ERBB4: variants seen among roughly 807,000 people sequenced by gnomAD.
ERBB4 encodes the protein receptor tyrosine-protein kinase erbB-4.
ERBB4 carries 42 observed loss-of-function variants against 158.0 expected under a neutral mutation model. The observed-to-expected ratio is 0.27, with a 90% CI of 0.21 to 0.34. The LOEUF (loss-of-function observed/expected upper bound fraction) is 0.34. ERBB4 is among the 10% of genes least tolerant of loss of function. The pLI is 1.00. For missense variants in ERBB4, 1,333 were observed against 1,624.1 expected (o/e 0.82, Z 3.08); for synonymous variants, 583 against 558.7 (o/e 1.04, Z -0.61).
chr2:211,398,877 C>T (rs2062976392), intron 25 of ERBB4, among the ~76,000 whole-genome samples: 1 of 152,154 alleles, frequency 6.6e-6, no homozygotes, highest in African/African-American at 2.4e-5. Context: ...TGCCCTCAGG[C>T]TAAATGAAGT....
intron 1 of ERBB4, among the ~76,000 whole-genome samples, chr2:212,439,027 T>C (rs2092196652): frequency 6.6e-6 from 1 of 152,262 alleles, no homozygotes; most frequent in Middle Eastern, 3.4e-3. Flanking sequence ...GCCCTTTCAA[T>C]ATTCAGACAG....
intron 2 of ERBB4, among the ~76,000 whole-genome samples, chr2:212,055,032 A>G (rs1256155731): frequency 6.6e-6 from 1 of 152,208 alleles, no homozygotes; most frequent in African/African-American, 2.4e-5. Flanking sequence ...ATAAAGGGTC[A>G]GGGAATTCCC....
intron 4 of ERBB4, among the ~76,000 whole-genome samples, chr2:211,786,285 T>C (rs753478524): frequency 6.6e-6 from 1 of 152,168 alleles, no homozygotes; most frequent in Non-Finnish European, 1.5e-5. Flanking sequence ...GAGAAATAAA[T>C]TGACTAAAGA....
chr2:212,166,930 C>T (rs1261590482), intron 1 of ERBB4, among the ~76,000 whole-genome samples: 1 of 152,118 alleles, frequency 6.6e-6, no homozygotes, highest in Non-Finnish European at 1.5e-5. Context: ...ACACCTTATA[C>T]AAAAATTAAC....
chr2:211,982,065 T>C (rs2081814564), intron 2 of ERBB4, among the ~76,000 whole-genome samples: 1 of 151,932 alleles, frequency 6.6e-6, no homozygotes. Flanking sequence ...ATTATTATAT[T>C]TTAAAATGCA....
intron 1 of ERBB4, among the ~76,000 whole-genome samples, chr2:212,225,119 T>G (rs1253488926): frequency 6.6e-6 from 1 of 151,974 alleles, no homozygotes; most frequent in East Asian, 1.9e-4. Flanking sequence ...GTCCCCTTTT[T>G]CCTCCTAGGA....
At chr2:212,475,136 C>T (rs1455650993) in intron 1 of ERBB4, among the ~76,000 whole-genome samples, 1 of 152,134 alleles carries the variant, frequency 6.6e-6, no homozygotes, top group Non-Finnish European at 1.5e-5. Context: ...ATTCTTCTTT[C>T]TTCATAGTCT....
intron 1 of ERBB4, among the ~76,000 whole-genome samples, chr2:212,299,349 C>A (rs2086536357): frequency 6.6e-6 from 1 of 151,528 alleles, no homozygotes; most frequent in African/African-American, 2.4e-5. Flanking sequence ...TTGAAGAATG[C>A]AATGATTATC....
chr2:211,701,820 G>T, intron 12 of ERBB4, 147 bp downstream of exon 12: 1 of 544,210 alleles, frequency 1.8e-6, no homozygotes, highest in Non-Finnish European at 3.3e-6. Flanking sequence ...ATACCATGTT[G>T]GTAATTGTAA....
At chr2:212,044,758 G>C (rs561941459) in intron 2 of ERBB4, among the ~76,000 whole-genome samples, 3 of 152,206 alleles carry the variant, frequency 2.0e-5, no homozygotes, top group African/African-American at 7.2e-5. Flanking sequence ...TACCCTTATA[G>C]TTCAGGGAAT....
intron 4 of ERBB4, among the ~76,000 whole-genome samples, chr2:211,759,447 A>G (rs35419573): frequency 0.13 from 20,150 of 152,006 alleles, 1,525 homozygotes; most frequent in East Asian, 0.31. Flanking sequence ...TCAAGGACCT[A>G]CAACACGTAG....
chr2:211,834,560 G>C (rs2077297378), intron 3 of ERBB4, among the ~76,000 whole-genome samples: 1 of 151,544 alleles, frequency 6.6e-6, no homozygotes, highest in Admixed American at 6.6e-5. Flanking sequence ...CATATTAGGA[G>C]AACAGTTAAT....
chr2:211,517,177 G>C (rs1347959174), intron 20 of ERBB4, among the ~76,000 whole-genome samples: 1 of 151,926 alleles, frequency 6.6e-6, no homozygotes, highest in Admixed American at 6.6e-5. Context: ...AAAAACTTTG[G>C]TTCTAGCACC....
At chr2:211,888,896 C>T (rs187067357) in intron 3 of ERBB4, among the ~76,000 whole-genome samples, 1 of 151,696 alleles carries the variant, frequency 6.6e-6, no homozygotes, top group Non-Finnish European at 1.5e-5. Flanking sequence ...TCGGAGGGTC[C>T]TACGCCCACG....
intron 1 of ERBB4, among the ~76,000 whole-genome samples, chr2:212,130,001 T>A (rs2080063403): frequency 6.6e-6 from 1 of 152,066 alleles, no homozygotes; most frequent in Non-Finnish European, 1.5e-5. Flanking sequence ...TTGTGGAGCC[T>A]CCACTGAGTA....
At chr2:212,362,940 A>T (rs2089747167) in intron 1 of ERBB4, among the ~76,000 whole-genome samples, 1 of 151,370 alleles carries the variant, frequency 6.6e-6, no homozygotes, top group Admixed American at 6.6e-5. Flanking sequence ...CCATGAAGAT[A>T]AAAATATGGG....
intron 1 of ERBB4, among the ~76,000 whole-genome samples, chr2:212,149,947 A>G (rs2080817210): frequency 6.6e-6 from 1 of 152,192 alleles, no homozygotes; most frequent in Non-Finnish European, 1.5e-5. Context: ...TCTCATCAGG[A>G]ACACTTAACT....
intron 9 of ERBB4, among the ~76,000 whole-genome samples, chr2:211,708,093 T>TAC (rs745933472): frequency 4.6e-5 from 7 of 151,678 alleles, no homozygotes; most frequent in South Asian, 2.1e-4. Context: ...TCTATCTTTA[T>TAC]ACACACACAC....
intron 1 of ERBB4, among the ~76,000 whole-genome samples, chr2:212,353,836 C>G (rs1343894052): frequency 6.6e-6 from 1 of 152,044 alleles, no homozygotes; most frequent in Non-Finnish European, 1.5e-5. Flanking sequence ...AATCTGGCCA[C>G]TCAACTACAA....
Sources: gnomAD v4.1 joint callset for allele counts (sites outside exome capture counted in the v4.1 genomes callset) on GRCh38, gnomAD v4.1.1 for gene constraint, MANE v1.5 for transcripts, NCBI Gene and HGNC (gene_info 2026-07-23, HGNC 2026-07-21) for gene names.